DGKB: variants seen among roughly 807,000 people sequenced by gnomAD.
The protein encoded by DGKB is 90 kDa diacylglycerol kinase.
Under a neutral mutation model 114.3 loss-of-function variants are expected in DGKB, and 67 were observed. The ratio of observed to expected loss-of-function variants is 0.59; its 90% CI spans 0.48 to 0.72. DGKB has a LOEUF of 0.72. DGKB is among the 30% of genes least tolerant of loss of function. DGKB has a pLI of 0.00. For synonymous variants in DGKB, 398 were observed against 323.1 expected (o/e 1.23, Z -2.49); for missense variants, 907 against 975.2 (o/e 0.93, Z 0.93).
At chr7:14,482,908 GA>G (rs200297455) in intron 20 of DGKB, among the ~76,000 whole-genome samples, 1 of 113,100 alleles carries the variant, frequency 8.8e-6, no homozygotes, top group South Asian at 3.1e-4. Context: ...GTGCTGGGTT[GA>G]TTAAATAGAG....
rs575685904 is a variant in DGKB, at chr7:14,385,937, C to G, written c.1836-40546G>C. Among the ~76,000 whole-genome samples, 3 of 152,314 alleles carry G rather than the reference C, an allele frequency of 2.0e-5. No homozygotes were observed. The East Asian group carries it at 5.8e-4, about 29-fold the overall frequency. On this transcript the variant is annotated intron_variant, in intron 21 of 25. Transcript: ENST00000402815. Reference sequence around the variant, plus strand: ...GTCACAAGTACTGCCAATATTACTACAGCTTGTTGTCTTCATTCAAACGGA... The same window carrying G: ...GTCACAAGTACTGCCAATATTACTAGAGCTTGTTGTCTTCATTCAAACGGA...
In DGKB at chr7:14,841,467, C is replaced by G. The variant is rs1265935054; in HGVS notation, c.-187-17G>C. ...GTTAAAGAACTGCAAAAAAAAAAAACAGATCAAGATCAAAAGATTAACATG... is the reference window on the plus strand; with the variant it reads ...GTTAAAGAACTGCAAAAAAAAAAAAGAGATCAAGATCAAAAGATTAACATG... On this transcript the variant is annotated splice_polypyrimidine_tract_variant and intron_variant, in intron 1 of 25. Transcript: ENST00000402815. The G allele has an allele frequency of 2.8e-6, 1 of 358,666 alleles. No homozygotes were observed. The highest frequency in any genetic ancestry group is 5.0e-6 in the Non-Finnish European group (1 of 201,496). The allele number at this position is 358,666 out of a possible 1,614,324, so 22.2% of individuals were successfully genotyped here.
At chr7:14,930,136 TA>T (rs1359254926) in intron 1 of DGKB, among the ~76,000 whole-genome samples, 1 of 152,206 alleles carries the variant, frequency 6.6e-6, no homozygotes, top group African/African-American at 2.4e-5. Flanking sequence ...CCCTATAGCA[TA>T]ATTTGAGGTC....
intron 1 of DGKB, among the ~76,000 whole-genome samples, chr7:14,968,316 T>G (rs1212305703): frequency 1.3e-5 from 2 of 152,186 alleles, no homozygotes; most frequent in African/African-American, 4.8e-5. Flanking sequence ...TTTGATCTAT[T>G]GTGTTTGTGT....
chr7:14,149,313 C>T, intron 25 of DGKB, 75 bp from the exon 26 acceptor site: 4 of 1,050,302 alleles, frequency 3.8e-6, no homozygotes, highest in Non-Finnish European at 5.6e-6. Context: ...ATTTGTGAGA[C>T]TCTCTGTTAA....
chr7:14,631,888 T>C (rs887671353), intron 13 of DGKB, among the ~76,000 whole-genome samples: 6 of 151,998 alleles, frequency 3.9e-5, no homozygotes, highest in African/African-American at 1.4e-4. Context: ...TGTAATCCTA[T>C]GGATCCTTAT....
At chr7:14,782,452 T>C (rs1839261653) in intron 2 of DGKB, among the ~76,000 whole-genome samples, 1 of 152,244 alleles carries the variant, frequency 6.6e-6, no homozygotes, top group Non-Finnish European at 1.5e-5. Flanking sequence ...ATCTCATTTG[T>C]GATAATTTTA....
intron 23 of DGKB, among the ~76,000 whole-genome samples, chr7:14,266,881 C>T (rs941792893): frequency 7.2e-5 from 11 of 152,080 alleles, no homozygotes; most frequent in East Asian, 1.9e-4. Context: ...TGTTAAAATA[C>T]GTTAATACTT....
chr7:14,957,699 A>C (rs535641854), intron 1 of DGKB, among the ~76,000 whole-genome samples: 2 of 151,934 alleles, frequency 1.3e-5, no homozygotes, highest in Non-Finnish European at 2.9e-5. Context: ...ATGTCTATTT[A>C]TTACTTTTTC....
At chr7:14,758,928 G>GATACATAGATACATAGATACATAGATAC (rs57342193) in intron 2 of DGKB, among the ~76,000 whole-genome samples, 1 of 146,842 alleles carries the variant, frequency 6.8e-6, no homozygotes, top group Admixed American at 6.8e-5. Flanking sequence ...TAGATAGATA[G>GATACATAGATACATAGATACATAGATAC]ATAGATACAT....
intron 17 of DGKB, among the ~76,000 whole-genome samples, chr7:14,587,133 G>A (rs572263540): frequency 9.2e-5 from 14 of 152,256 alleles, no homozygotes; most frequent in Non-Finnish European, 1.5e-4. Context: ...TAATCTAGGT[G>A]TCATTAAGAA....
At chr7:14,668,690 G>A (rs1029120843) in intron 13 of DGKB, among the ~76,000 whole-genome samples, 1 of 152,072 alleles carries the variant, frequency 6.6e-6, no homozygotes, top group South Asian at 2.1e-4. Flanking sequence ...AACAACCTTT[G>A]ACTTCACTGT....
chr7:14,489,925 G>A (rs1784373288), intron 20 of DGKB, among the ~76,000 whole-genome samples: 2 of 152,180 alleles, frequency 1.3e-5, no homozygotes, highest in South Asian at 4.1e-4. Flanking sequence ...TACTGGGACA[G>A]AGAGAAGGGA....
At chr7:14,673,856 T>C (rs1489064710) in intron 12 of DGKB, among the ~76,000 whole-genome samples, 1 of 152,084 alleles carries the variant, frequency 6.6e-6, no homozygotes, top group Non-Finnish European at 1.5e-5. Context: ...TAATTTGATA[T>C]GAACTCTTCA....
At chr7:14,848,194 T>C (rs905568515) in intron 1 of DGKB, among the ~76,000 whole-genome samples, 1 of 152,138 alleles carries the variant, frequency 6.6e-6, no homozygotes, top group African/African-American at 2.4e-5. Flanking sequence ...CTTTAGGGAA[T>C]GGCAATAAAG....
intron 17 of DGKB, among the ~76,000 whole-genome samples, chr7:14,607,170 G>A (rs960167186): frequency 1.3e-5 from 2 of 151,660 alleles, no homozygotes; most frequent in Non-Finnish European, 2.9e-5. Flanking sequence ...GTGTGTGTGT[G>A]TGTGTGTGTG....
At position 14,580,960 on chromosome 7, in the gene DGKB, T is replaced by TA. The variant is rs754293225; in HGVS notation, c.1520-10dup. Reference sequence around the variant, plus strand: ...GCCTACATTGGCCTTTTCTGCAGAATAAAAAAAAATACAAATAAAGAAAAT... The same window carrying TA: ...GCCTACATTGGCCTTTTCTGCAGAATAAAAAAAAAATACAAATAAAGAAAAT... On this transcript the variant is annotated splice_polypyrimidine_tract_variant and intron_variant, in intron 18 of 25. Transcript: ENST00000402815. 586 of 1,531,558 alleles carry TA rather than the reference T, an allele frequency of 3.8e-4. No homozygotes were observed. The highest frequency in any genetic ancestry group is 8.3e-4 in the South Asian group (67 of 80,778). The allele number at this position is 1,531,558 out of a possible 1,614,324, so 94.9% of individuals were successfully genotyped here.
intron 1 of DGKB, among the ~76,000 whole-genome samples, chr7:14,924,902 C>T (rs1784676717): frequency 6.6e-6 from 1 of 152,126 alleles, no homozygotes; most frequent in African/African-American, 2.4e-5. Context: ...TTGATAATCA[C>T]ATCAACCTCC....
At chr7:14,430,677 G>C (rs1828321582) in intron 21 of DGKB, among the ~76,000 whole-genome samples, 3 of 152,184 alleles carry the variant, frequency 2.0e-5, no homozygotes, top group African/African-American at 7.2e-5. Context: ...TGATTTATTA[G>C]TTGAATATTT....
Sources: allele counts gnomAD v4.1 joint callset (sites outside exome capture counted in the v4.1 genomes callset), GRCh38; gene constraint gnomAD v4.1.1; transcripts MANE v1.5; gene names NCBI Gene and HGNC (gene_info 2026-07-23, HGNC 2026-07-21).